The following ANLN variants were observed in gnomAD, a reference collection of about 807,000 sequenced individuals.
ANLN encodes the protein anillin.
A neutral mutation model predicts 135.1 loss-of-function variants in ANLN; 59 were observed. The observed-to-expected ratio is 0.44, with a 90% CI of 0.35 to 0.54. The LOEUF (loss-of-function observed/expected upper bound fraction) is 0.54. Ranked by LOEUF, ANLN falls within the 20% of genes least tolerant of loss-of-function variation. The pLI, the probability that ANLN is intolerant of heterozygous loss-of-function variation, is 0.00. For missense variants in ANLN, 1,182 were observed against 1,340.0 expected, an observed-to-expected ratio of 0.88 and a Z score of 1.84; for synonymous variants, 406 against 456.4, an observed-to-expected ratio of 0.89 and a Z score of 1.41.
intron 21 of ANLN, among the ~76,000 whole-genome samples, chr7:36,441,108 C>T (rs1583654653): frequency 6.6e-6 from 1 of 152,046 alleles, no homozygotes. Context: ...GTGTAAATTT[C>T]TGACTTGAAG....
chr7:36,420,564 G>A (rs773890053), intron 11 of ANLN, 33 bp from the exon 12 acceptor site: 7 of 1,580,782 alleles, frequency 4.4e-6, no homozygotes, highest in Middle Eastern at 3.5e-4. Context: ...TGTGTTGCTG[G>A]ATTTCTAATA....
chr7:36,409,439 G>A lies in ANLN; in HGVS notation c.1097-1075G>A, dbSNP rs185292294. On this transcript the variant is annotated intron_variant, in intron 5 of 23. Transcript: ENST00000265748. Reference sequence around the variant, plus strand: ...TCTGTGGTTGCTTTCATTCTGTAATGCAGAGCAGAATAGTTGTGACAGAGG... The same window carrying A: ...TCTGTGGTTGCTTTCATTCTGTAATACAGAGCAGAATAGTTGTGACAGAGG... 6.3e-4 allele frequency among the ~76,000 whole-genome samples: 96 copies of A among 152,228 alleles called. No homozygotes were observed. The East Asian group carries it at 8.9e-3, about 14-fold the overall frequency.
rs141307667 is a variant in ANLN at position 36,421,948 on chromosome 7, G to A, written c.2255G>A (p.Gly752Glu). ...NCCVDEEHGKGSLEEAEAERL... is the reference protein window; with the variant it reads ...NCCVDEEHGKESLEEAEAERL... ...TGTGTTGATGAAGAACATGGAAAAG[G>A]GTCCCTAGAAGAAGCTGAAGCAGAA... is the stretch of plus-strand genomic sequence containing the variant. The change falls in exon 13 of 24, where the codon GGG becomes GAG. Residue 752 changes from glycine (G) to glutamate (E), a missense_variant. By Grantham distance (98) the Gly-to-Glu change is moderately conservative. Transcript: ENST00000265748. 5.0e-6 allele frequency: 8 copies of A among 1,613,556 alleles called. No homozygotes were observed. Among genetic ancestry groups the A allele is most frequent in the East Asian group, 2.2e-5 (1 of 44,790 alleles).
rs1789291337 is a variant in ANLN at position 36,452,568 on chromosome 7, G to A, written c.3343G>A (p.Asp1115Asn). The A allele has an allele frequency of 1.6e-5, 26 of 1,614,018 alleles. No homozygotes were observed. Among genetic ancestry groups the A allele is most frequent in the Non-Finnish European group, 2.1e-5 (25 of 1,179,932 alleles). ...VLVDIRLWQP[D>N]ACYKPIGKP ...TGTTGATATTCGCCTCTGGCAACCT[G>A]ATGCTTGCTACAAACCTATTGGAAA... The change falls in exon 24 of 24, where the codon GAT becomes AAT. Residue 1115 changes from aspartate to asparagine, a missense_variant. Around this residue, in one of 3 missense-constraint regions of ANLN, gnomAD observed 78 missense variants for 72.7 expected, o/e 1.07. Transcript: ENST00000265748.
At position 36,453,063 on chromosome 7, in the gene ANLN, C is replaced by CT. The variant is rs1342298715; in HGVS notation, c.*464dup. On this transcript the variant is annotated 3_prime_UTR_variant, in exon 24 of 24. Coordinates refer to ENST00000265748, the MANE Select transcript of ANLN (RefSeq NM_018685.5). ...GTTACTAGGGTACTGAAAAAAATGTCTAAGGCCTTTACAGAAACATTTTTA... is the reference window on the plus strand; with the variant it reads ...GTTACTAGGGTACTGAAAAAAATGTCTTAAGGCCTTTACAGAAACATTTTTA... 1 of 152,566 alleles carries CT rather than the reference C, an allele frequency of 6.6e-6. No individual in the cohort carries two copies. Among genetic ancestry groups the CT allele is most frequent in the African/African-American group, 2.4e-5 (1 of 41,372 alleles). The allele number at this position is 152,566 out of a possible 1,614,324, so 9.5% of individuals were successfully genotyped here. A position where few individuals can be genotyped will look rare whatever the true frequency, so the allele number is the denominator to read the frequency against.
intron 12 of ANLN, among the ~76,000 whole-genome samples, chr7:36,421,260 G>T (rs1258652612): frequency 6.6e-6 from 1 of 151,948 alleles, no homozygotes; most frequent in Non-Finnish European, 1.5e-5. Flanking sequence ...TAGAGATGGG[G>T]TTTCACTATG....
At chr7:36,395,480 C>A (rs905288496) in intron 1 of ANLN, among the ~76,000 whole-genome samples, 1 of 152,116 alleles carries the variant, frequency 6.6e-6, no homozygotes, top group Non-Finnish European at 1.5e-5. Flanking sequence ...TGGGCCTGAC[C>A]AGATAATTCA....
chr7:36,404,606 T>C lies in ANLN; in HGVS notation c.488-1575T>C, dbSNP rs192074286. 1.1e-3 allele frequency among the ~76,000 whole-genome samples: 160 copies of C among 152,366 alleles called. 1 individual carries two copies. Among genetic ancestry groups the C allele is most frequent in the African/African-American group, 3.6e-3 (150 of 41,594 alleles). On this transcript the variant is annotated intron_variant, in intron 3 of 23. Transcript: ENST00000265748. Reference sequence around the variant, plus strand: ...TTAGCAACCTCAGCGTATTATTTTCTTTCCTTATTTAGTTGAGAACTTTCA... The same window carrying C: ...TTAGCAACCTCAGCGTATTATTTTCCTTCCTTATTTAGTTGAGAACTTTCA...
intron 20 of ANLN, among the ~76,000 whole-genome samples, chr7:36,437,760 T>C (rs954410944): frequency 6.7e-6 from 1 of 149,994 alleles, no homozygotes; most frequent in Non-Finnish European, 1.5e-5. Context: ...AAGAGTTTTA[T>C]TTTATTTTAT....
Position 36,420,169 on chromosome 7 carries a change from A to C in ANLN, c.1870A>C (p.Ser624Arg), listed in dbSNP as rs780452519. 6.2e-7 allele frequency: 1 copy of C among 1,612,904 alleles called. No homozygotes were observed. The highest frequency in any genetic ancestry group is 2.2e-5 in the East Asian group (1 of 44,852). Residue 624 changes from serine to arginine, a missense_variant and splice_region_variant, in exon 11 of 24, where the codon AGT becomes CGT. This residue lies in a region of ANLN where 1,022 missense variants were observed against 1,134.0 expected (regional missense o/e 0.90). Coordinates refer to ENST00000265748, the MANE Select transcript of ANLN (RefSeq NM_018685.5). ...TAATATCTGATGCGTTTTCCCACAG[A>C]GTTTAGTGTCCACACCTAGACTGGA... ...AQTVGVVSPE[S>R]LVSTPRLELK...
chr7:36,406,268 C>G lies in ANLN; in HGVS notation c.575C>G (p.Ser192Trp), dbSNP rs139482132. 1.7e-4 allele frequency: 277 copies of G among 1,614,024 alleles called. No individual in the cohort carries two copies. The highest frequency in any genetic ancestry group is 9.9e-4 in the Middle Eastern group (6 of 6,084). Residue 192 changes from serine to tryptophan, a missense_variant, in exon 4 of 24, where the codon TCG becomes TGG. Physicochemically the swap from Ser to Trp is radical, Grantham distance 177. Coordinates refer to ENST00000265748, the MANE Select transcript of ANLN (RefSeq NM_018685.5). ...CCCAGACCTCTGCTTTCAAATGCCTCGGCAACTCCAGTTGGCAGAAGGGGC... is the reference window on the plus strand; with the variant it reads ...CCCAGACCTCTGCTTTCAAATGCCTGGGCAACTCCAGTTGGCAGAAGGGGC... ...SPPRPLLSNA[S>W]ATPVGRRGRL...
intron 19 of ANLN, 67 bp from the exon 20 acceptor site, chr7:36,426,849 G>C (rs1788099643): frequency 1.1e-6 from 1 of 894,172 alleles, no homozygotes; most frequent in African/African-American, 1.7e-5. Flanking sequence ...GGGATGGGGT[G>C]AGGAATTGTT....
chr7:36,448,262 G>C (rs1310330506), intron 22 of ANLN, among the ~76,000 whole-genome samples: 2 of 152,124 alleles, frequency 1.3e-5, no homozygotes, highest in African/African-American at 4.8e-5. Flanking sequence ...GTATCCGCCT[G>C]CCTCCACCTC....
At chr7:36,405,377 T>G (rs1787145892) in intron 3 of ANLN, among the ~76,000 whole-genome samples, 1 of 152,200 alleles carries the variant, frequency 6.6e-6, no homozygotes, top group South Asian at 2.1e-4. Flanking sequence ...GACAAGAGTT[T>G]GTAGAGAAGG....
chr7:36,451,099 C>T (rs1480251458), intron 23 of ANLN, among the ~76,000 whole-genome samples: 3 of 152,138 alleles, frequency 2.0e-5, no homozygotes, highest in African/African-American at 7.2e-5. Context: ...TTCAGCTTTG[C>T]TTGGTGACCT....
chr7:36,414,152 G>A (rs1435224626), intron 7 of ANLN, among the ~76,000 whole-genome samples: 2 of 152,192 alleles, frequency 1.3e-5, no homozygotes, highest in African/African-American at 4.8e-5. Flanking sequence ...TTAGTGAAGA[G>A]GTGAGGGTGG....
At chr7:36,427,553 C>T (rs984818375) in intron 20 of ANLN, among the ~76,000 whole-genome samples, 4 of 152,078 alleles carry the variant, frequency 2.6e-5, no homozygotes, top group African/African-American at 7.2e-5. Flanking sequence ...GGGGTTTCAT[C>T]GTGTTGGCTA....
chr7:36,420,365 T>G, intron 11 of ANLN, 51 bp downstream of exon 11: 1 of 1,578,596 alleles, frequency 6.3e-7, no homozygotes, highest in Non-Finnish European at 8.6e-7. Context: ...TGGTTTAGAT[T>G]GACATAAGTC....
At chr7:36,448,070 A>G (rs1005410498) in intron 22 of ANLN, among the ~76,000 whole-genome samples, 2 of 151,964 alleles carry the variant, frequency 1.3e-5, no homozygotes, top group South Asian at 2.1e-4. Context: ...GCTGGAGTGC[A>G]GTGGCACGAT....
Sources: gnomAD v4.1 joint callset for allele counts (sites outside exome capture counted in the v4.1 genomes callset) on GRCh38, gnomAD v4.1.1 for gene constraint, gnomAD v4.1.1 regional missense constraint, MANE v1.5 for transcripts, NCBI Gene and HGNC (gene_info 2026-07-23, HGNC 2026-07-21) for gene names.